TCP11L2: variants seen among roughly 807,000 people sequenced by gnomAD.
The protein encoded by TCP11L2 is t-complex 11 like 2, also known as T-complex protein 11-like protein 2.
Under a neutral mutation model 50.7 loss-of-function variants are expected in TCP11L2, and 39 were observed. The observed-to-expected ratio is 0.77, with a 90% CI of 0.60 to 1.01. The LOEUF (loss-of-function observed/expected upper bound fraction) is 1.01, where lower values mean the gene tolerates loss of function less well. Among genes scored for constraint, TCP11L2 ranks in the 50% least tolerant of loss-of-function variants. The probability of loss-of-function intolerance (pLI) is 0.00; values close to 1 mark genes in which losing one functional copy is unlikely to be tolerated. For missense variants in TCP11L2, 612 were observed against 614.7 expected, an observed-to-expected ratio of 1.00 and a Z score of 0.05; for synonymous variants, 192 against 219.3, an observed-to-expected ratio of 0.88 and a Z score of 1.10.
chr12:106,330,452 A>T lies in TCP11L2; in HGVS notation c.773-5187A>T, dbSNP rs577677406. The T allele has an allele frequency of 1.1e-5, 3 of 262,882 alleles. No homozygotes were observed. The East Asian group carries it at 5.4e-4, about 47-fold the overall frequency. The allele number at this position is 262,882 out of a possible 1,614,324, so 16.3% of individuals were successfully genotyped here. A position where few individuals can be genotyped will look rare whatever the true frequency, so the allele number is the denominator to read the frequency against. On this transcript the variant is annotated intron_variant, in intron 6 of 9. Transcript: ENST00000299045. ...GGCAGGGCAGGGCGGGAGGCTGAGG[A>T]AGGGCATCTAGTAGGTAGAGCTTAG...
chr12:106,299,445 A>G (rs533824631), upstream of TCP11L2, among the ~76,000 whole-genome samples: 106 of 152,344 alleles, frequency 7.0e-4, no homozygotes, highest in Non-Finnish European at 1.2e-3. Context: ...GACCAGTTAC[A>G]TAATTTGCCA....
intron 3 of TCP11L2, among the ~76,000 whole-genome samples, chr12:106,317,328 C>T (rs1002282335): frequency 2.6e-5 from 4 of 152,112 alleles, no homozygotes; most frequent in Admixed American, 6.5e-5. Context: ...CCAGCCTGCC[C>T]GACGTGGTGA....
rs1461494348 is a variant in TCP11L2, at chr12:106,314,564, TGTGTGTGTGTGTGAGA to T, written c.293+73_293+88del. On this transcript the variant is annotated intron_variant, in intron 3 of 9. Coordinates refer to ENST00000299045, the MANE Select transcript of TCP11L2 (RefSeq NM_152772.3). ...GTGTGTGTGTGTGTGTGTGTGTGTG[TGTGTGTGTGTGTGAGA>T]GAGAGAGAGAGAGAGAGAGAGACAG... The T allele has an allele frequency of 3.9e-4, 378 of 977,566 alleles. 2 individuals are homozygous for T. The African/African-American group carries it at 7.4e-3, about 19-fold the overall frequency. 60.6% of individuals were successfully genotyped at this position (977,566 alleles called of 1,614,324 possible).
At chr12:106,322,206 C>T (rs1279842866) in intron 5 of TCP11L2, among the ~76,000 whole-genome samples, 1 of 152,144 alleles carries the variant, frequency 6.6e-6, no homozygotes, top group Non-Finnish European at 1.5e-5. Context: ...TCAGACAACC[C>T]TCCACGTGTC....
At chr12:106,304,074 CT>C in intron 1 of TCP11L2, 1 of 152,422 alleles carries the variant, frequency 6.6e-6, no homozygotes, top group Non-Finnish European at 1.5e-5. Context: ...TGCCGTGGTC[CT>C]TTTCCTCTCT....
chr12:106,329,967 C>T, intron 6 of TCP11L2: 1 of 985,622 alleles, frequency 1.0e-6, no homozygotes, highest in African/African-American at 1.7e-5. Flanking sequence ...ATTATCCCTG[C>T]TCAAGTGCTG....
chr12:106,310,921 T>C (rs2034827459), intron 1 of TCP11L2, 120 bp from the exon 2 acceptor site: 1 of 847,734 alleles, frequency 1.2e-6, no homozygotes, highest in Admixed American at 2.7e-5. Context: ...GATGAGGTCA[T>C]CTGGGGGCCT....
chr12:106,325,154 A>G (rs1225276978), intron 6 of TCP11L2: 1 of 152,234 alleles, frequency 6.6e-6, no homozygotes, highest in Non-Finnish European at 1.5e-5. Context: ...GGGTGCGGAA[A>G]CTGAGGCACT....
chr12:106,300,042 A>C (rs1032832707), upstream of TCP11L2, among the ~76,000 whole-genome samples: 3 of 152,288 alleles, frequency 2.0e-5, no homozygotes, highest in East Asian at 1.9e-4. Flanking sequence ...AGAAAAAAAA[A>C]CTGTATTACT....
upstream of TCP11L2, among the ~76,000 whole-genome samples, chr12:106,299,140 T>C (rs1254207171): frequency 6.6e-6 from 1 of 152,164 alleles, no homozygotes; most frequent in Admixed American, 6.5e-5. Flanking sequence ...TTGTTTTTGT[T>C]TTTTTCAATT....
chr12:106,330,628 C>A (rs1262371511), intron 6 of TCP11L2, among the ~76,000 whole-genome samples: 2 of 152,162 alleles, frequency 1.3e-5, no homozygotes, highest in Non-Finnish European at 2.9e-5. Flanking sequence ...CCATCTTATG[C>A]TCCAGGAAAA....
At chr12:106,337,342 A>G (rs1401027235) in intron 8 of TCP11L2, among the ~76,000 whole-genome samples, 5 of 152,204 alleles carry the variant, frequency 3.3e-5, no homozygotes, top group Non-Finnish European at 7.3e-5. Flanking sequence ...TACAGATAGA[A>G]TAGAATTTGC....
intron 3 of TCP11L2, among the ~76,000 whole-genome samples, chr12:106,315,212 C>T (rs191661942): frequency 1.3e-5 from 2 of 151,888 alleles, no homozygotes; most frequent in African/African-American, 2.4e-5. Flanking sequence ...CTACAGCCTG[C>T]GCAACAGAGT....
chr12:106,338,043 T>C (rs2035977329), intron 8 of TCP11L2, among the ~76,000 whole-genome samples: 1 of 152,258 alleles, frequency 6.6e-6, no homozygotes, highest in South Asian at 2.1e-4. Flanking sequence ...GGTTTGATGA[T>C]GCATCTTGAA....
intron 3 of TCP11L2, among the ~76,000 whole-genome samples, chr12:106,318,002 A>G (rs1169632592): frequency 1.3e-5 from 2 of 152,226 alleles, no homozygotes; most frequent in African/African-American, 4.8e-5. Context: ...TTGCCATCTC[A>G]TCCCAAAAAT....
At chr12:106,338,162 T>A (rs2035980788) in intron 8 of TCP11L2, among the ~76,000 whole-genome samples, 1 of 152,198 alleles carries the variant, frequency 6.6e-6, no homozygotes, top group Non-Finnish European at 1.5e-5. Context: ...TGATTTTTGC[T>A]TTTTTTCCCT....
intron 9 of TCP11L2, among the ~76,000 whole-genome samples, chr12:106,342,401 C>A (rs1476787311): frequency 6.6e-6 from 1 of 152,154 alleles, no homozygotes; most frequent in Non-Finnish European, 1.5e-5. Flanking sequence ...TCACCTGTGG[C>A]CAAGCCCTTA....
At chr12:106,310,388 G>A (rs1298258335) in intron 1 of TCP11L2, among the ~76,000 whole-genome samples, 3 of 152,142 alleles carry the variant, frequency 2.0e-5, no homozygotes, top group African/African-American at 7.2e-5. Context: ...TGGAAATGGA[G>A]GGGGAAGAAG....
intron 6 of TCP11L2, 111 bp from the exon 7 acceptor site, chr12:106,335,528 G>T (rs913178364): frequency 4.6e-6 from 5 of 1,083,068 alleles, no homozygotes; most frequent in Non-Finnish European, 6.7e-6. Flanking sequence ...GCAGGGCATG[G>T]CTGTGTCTTC....
Sources: gnomAD v4.1 joint callset for allele counts (sites outside exome capture counted in the v4.1 genomes callset) on GRCh38, gnomAD v4.1.1 for gene constraint, MANE v1.5 for transcripts, NCBI Gene and HGNC (gene_info 2026-07-23, HGNC 2026-07-21) for gene names.